Variants in ZNF611 observed in about 807,000 individuals in gnomAD.
ZNF611 encodes the protein zinc finger protein 611.
ZNF611 carries 6 observed loss-of-function variants against 8.9 expected under a neutral mutation model. That is an observed-to-expected ratio of 0.68 (90% CI 0.37 to 1.34). ZNF611 has a LOEUF of 1.34. Among genes scored for constraint, ZNF611 ranks in the 40% most tolerant of loss-of-function variants. The pLI is 0.02. For synonymous variants in ZNF611, 262 were observed against 279.7 expected (o/e 0.94, Z 0.63); for missense variants, 874 against 841.3 (o/e 1.04, Z -0.48).
rs1157459122 is a variant in ZNF611, at chr19:52,703,262, C to T, written c.*1675G>A. 1 of 151,904 alleles carries T rather than the reference C, an allele frequency of 6.6e-6. No individual in the cohort carries two copies. Among genetic ancestry groups the T allele is most frequent in the Non-Finnish European group, 1.5e-5 (1 of 67,984 alleles). The allele number at this position is 151,904 out of a possible 1,614,324, so 9.4% of individuals were successfully genotyped here. ...GAAGTCCATTATACGAGAAGAAAAG[C>T]ATTTTTGAGGTCTTTTTTTGTTATT... On this transcript the variant is annotated 3_prime_UTR_variant, in exon 6 of 6. Transcript: ENST00000652185.
chr19:52,715,875 G>C lies in ZNF611; in HGVS notation c.20C>G (p.Ala7Gly). The C allele has an allele frequency of 6.2e-7, 1 of 1,613,400 alleles. No homozygotes were observed. The highest frequency in any genetic ancestry group is 8.5e-7 in the Non-Finnish European group (1 of 1,179,806). The change falls in exon 4 of 6, where the codon GCT (alanine) becomes GGT (glycine). Residue 7 changes from alanine (A) to glycine (G), a missense_variant. Transcript: ENST00000652185. ...TGGCTCCTTTCCTTTCCTCTTCTGAGCTGCTTCCTCACGTAACATGAGTCT... is the reference window on the plus strand; with the variant it reads ...TGGCTCCTTTCCTTTCCTCTTCTGACCTGCTTCCTCACGTAACATGAGTCT... MLREEA[A>G]QKRKGKEPGM...
At chr19:52,734,686 G>A (rs936014344) in intron 1 of ZNF611, among the ~76,000 whole-genome samples, 1 of 152,356 alleles carries the variant, frequency 6.6e-6, no homozygotes, top group South Asian at 2.1e-4. Flanking sequence ...CCCTGGGCAA[G>A]AATCCACATC....
At chr19:52,716,435 T>C (rs1354389342) in intron 3 of ZNF611, among the ~76,000 whole-genome samples, 1 of 152,170 alleles carries the variant, frequency 6.6e-6, no homozygotes, top group Non-Finnish European at 1.5e-5. Flanking sequence ...GAAGCCAGGG[T>C]TGAGCTCCAC....
chr19:52,734,341 G>A (rs1475564957), intron 1 of ZNF611, among the ~76,000 whole-genome samples: 2 of 151,868 alleles, frequency 1.3e-5, no homozygotes, highest in African/African-American at 2.4e-5. Context: ...CCACACAATC[G>A]CAACACGGTT....
intron 5 of ZNF611, among the ~76,000 whole-genome samples, chr19:52,711,029 A>G (rs2062276083): frequency 6.7e-6 from 1 of 149,490 alleles, no homozygotes; most frequent in Admixed American, 6.7e-5. Context: ...GGGAAACTCC[A>G]TTTAAAAAAA....
At chr19:52,726,894 A>G (rs945163968) in intron 3 of ZNF611, among the ~76,000 whole-genome samples, 2 of 151,890 alleles carry the variant, frequency 1.3e-5, no homozygotes, top group African/African-American at 4.8e-5. Context: ...GAGACAGAGT[A>G]TTTCTCTGTG....
At chr19:52,723,597 C>T (rs2062373839) in intron 3 of ZNF611, 1 of 152,134 alleles carries the variant, frequency 6.6e-6, no homozygotes, top group Non-Finnish European at 1.5e-5. Flanking sequence ...GTGAGTATTT[C>T]TCATCAGGTG....
intron 4 of ZNF611, among the ~76,000 whole-genome samples, 166 bp from the exon 5 acceptor site, chr19:52,714,307 T>C (rs1361285519): frequency 6.6e-6 from 1 of 152,170 alleles, no homozygotes; most frequent in East Asian, 1.9e-4. Context: ...TGCGTTTTAT[T>C]GTAGTTTTCC....
intron 5 of ZNF611, among the ~76,000 whole-genome samples, chr19:52,713,069 G>A (rs1331144600): frequency 6.6e-6 from 1 of 152,128 alleles, no homozygotes; most frequent in East Asian, 1.9e-4. Context: ...GGTGACACAT[G>A]CCTGTAATCC....
At position 52,705,773 on chromosome 19, in the gene ZNF611, A is replaced by G. The variant is rs561470039; in HGVS notation, c.1282T>C (p.Cys428Arg). 6.2e-7 allele frequency: 1 copy of G among 1,614,012 alleles called. No homozygotes were observed. Among genetic ancestry groups the G allele is most frequent in the Non-Finnish European group, 8.5e-7 (1 of 1,179,956 alleles). The part of the protein sequence containing the change: ...RIHTAKKTYK[C>R]NECGKTFSHK... ...CTGAAGGTCTTGCCACACTCATTAC[A>G]TTTATAAGTTTTCTTTGCAGTATGA... Residue 428 changes from cysteine to arginine, a missense_variant, in exon 6 of 6, where the codon TGT becomes CGT. By Grantham distance (180) the Cys-to-Arg change is radical. Transcript: ENST00000652185.
intron 5 of ZNF611, among the ~76,000 whole-genome samples, chr19:52,712,616 T>G (rs1317703234): frequency 6.7e-6 from 1 of 148,826 alleles, no homozygotes; most frequent in Non-Finnish European, 1.5e-5. Flanking sequence ...CCAGCATGGG[T>G]GACAGAGCAA....
chr19:52,717,603 G>C, intron 3 of ZNF611: 1 of 829,606 alleles, frequency 1.2e-6, no homozygotes, highest in Non-Finnish European at 1.5e-6. Flanking sequence ...GGCAGCTGTA[G>C]AAATGGGATC....
At chr19:52,725,886 G>T (rs2062389482) in intron 3 of ZNF611, among the ~76,000 whole-genome samples, 1 of 150,086 alleles carries the variant, frequency 6.7e-6, no homozygotes, top group South Asian at 2.1e-4. Flanking sequence ...GCAAAGGGCG[G>T]GGCCGGGACC....
Position 52,714,709 on chromosome 19 carries a change from C to CA in ZNF611, c.64-569dup, listed in dbSNP as rs2062304263. Among the ~76,000 whole-genome samples the CA allele has an allele frequency of 1.5e-4, 5 of 32,816 alleles. 2 individuals carry two copies. The South Asian group carries it at 3.4e-3, about 22-fold the overall frequency. 21.5% of individuals were successfully genotyped at this position (32,816 alleles called of 152,430 possible). On this transcript the variant is annotated intron_variant, in intron 4 of 5. Coordinates refer to ENST00000652185, the MANE Select transcript of ZNF611 (RefSeq NM_001161499.2). ...TCTCAAAAAACAAAACAAAACAAAA[C>CA]AAAAAAACAATGCCGGGCAGTGACT...
At chr19:52,734,204 T>C (rs1236200917) in intron 1 of ZNF611, among the ~76,000 whole-genome samples, 4 of 142,224 alleles carry the variant, frequency 2.8e-5, no homozygotes, top group South Asian at 2.3e-4. Context: ...TTTTTTTTTT[T>C]CACTTCTGCC....
At position 52,706,681 on chromosome 19, in the gene ZNF611, A is replaced by G. The variant is rs751448997; in HGVS notation, c.374T>C (p.Leu125Pro). 9.9e-6 allele frequency: 16 copies of G among 1,613,884 alleles called. No homozygotes were observed. Among genetic ancestry groups the G allele is most frequent in the Non-Finnish European group, 1.4e-5 (16 of 1,179,984 alleles). ...TTTTATTTTTGTCATGGGTGCTTCA[A>G]GGCCATTTCTTTCATCTTCTTGACA... ...FQCQEDERNG[L>P]EAPMTKIKKL... Residue 125 changes from leucine (L) to proline (P), a missense_variant, in exon 6 of 6, where the codon CTT becomes CCT. Leu to Pro is a moderately conservative substitution (Grantham distance 98, BLOSUM62 -3). Transcript: ENST00000652185.
rs2147416156 is a variant in ZNF611, at chr19:52,706,172, T to A, written c.883A>T (p.Thr295Ser). The A allele has an allele frequency of 6.2e-7, 1 of 1,614,146 alleles. No individual in the cohort carries two copies. Among genetic ancestry groups the A allele is most frequent in the African/African-American group, 1.3e-5 (1 of 75,058 alleles). Reference sequence around the variant, plus strand: ...GTAAGGGATGACTCCTGACTGAAGGTCTTGCCACACTCTTTACACTTGTAA... The same window carrying A: ...GTAAGGGATGACTCCTGACTGAAGGACTTGCCACACTCTTTACACTTGTAA... ...KPYKCKECGK[T>S]FSQESSLTCH... Residue 295 changes from threonine (T) to serine (S), a missense_variant, in exon 6 of 6, where the codon ACC becomes TCC. Transcript: ENST00000652185.
rs202152934 is a variant in ZNF611 at position 52,730,773 on chromosome 19, G to A, written c.-221-768C>T. On this transcript the variant is annotated intron_variant, in intron 1 of 5. Transcript: ENST00000652185. Reference sequence around the variant, plus strand: ...CTAATTTTGTATTTTTAGTAGAGACGGGGTTTCTCTATTTTGGTCAGGCTG... The same window carrying A: ...CTAATTTTGTATTTTTAGTAGAGACAGGGTTTCTCTATTTTGGTCAGGCTG... Among the ~76,000 whole-genome samples the A allele has an allele frequency of 5.3e-5, 8 of 151,150 alleles. No individual in the cohort carries two copies. In the East Asian group the frequency reaches 1.4e-3, roughly 26 times the overall value.
At chr19:52,718,822 C>CA (rs111385385) in intron 3 of ZNF611, among the ~76,000 whole-genome samples, 8,930 of 151,786 alleles carry the variant, frequency 0.059, 846 homozygotes, top group African/African-American at 0.2. Flanking sequence ...AAACAAAAAA[C>CA]AAAAAACCCG....
Sources: gnomAD v4.1 joint callset for allele counts (sites outside exome capture counted in the v4.1 genomes callset) on GRCh38, gnomAD v4.1.1 for gene constraint, MANE v1.5 for transcripts, NCBI Gene and HGNC (gene_info 2026-07-23, HGNC 2026-07-21) for gene names.